The following EFCAB6 variants were observed in gnomAD, a reference collection of about 807,000 sequenced individuals.
EFCAB6 encodes the protein EF-hand calcium-binding domain-containing protein 6.
In EFCAB6, 156 loss-of-function variants were observed where a neutral mutation model predicts 169.8. The observed-to-expected ratio is 0.92, with a 90% confidence interval of 0.81 to 1.05. The LOEUF (loss-of-function observed/expected upper bound fraction) is 1.05. Among genes scored for constraint, EFCAB6 ranks in the 50% least tolerant of loss-of-function variants. EFCAB6 has a pLI of 0.00. For synonymous variants in EFCAB6, 698 were observed against 676.4 expected, an observed-to-expected ratio of 1.03 and a Z score of -0.50; for missense variants, 1,800 against 1,829.1, an observed-to-expected ratio of 0.98 and a Z score of 0.29.
At chr22:43,531,608 C>G (rs1395263201) in intron 30 of EFCAB6, among the ~76,000 whole-genome samples, 3 of 152,170 alleles carry the variant, frequency 2.0e-5, no homozygotes, top group Admixed American at 6.5e-5. Context: ...CGTAACACAT[C>G]TTGGGAAAGT....
chr22:43,644,157 A>C (rs773767778), intron 17 of EFCAB6, among the ~76,000 whole-genome samples: 1 of 151,984 alleles, frequency 6.6e-6, no homozygotes, highest in South Asian at 2.1e-4. Flanking sequence ...TTGGATTTGG[A>C]CCTGCTTTAT....
At chr22:43,717,371 G>C (rs117532943) in intron 8 of EFCAB6, among the ~76,000 whole-genome samples, 5,237 of 147,956 alleles carry the variant, frequency 0.035, 149 homozygotes, top group Middle Eastern at 0.073. Context: ...ATTTTTGTTT[G>C]GTAAAAAAAA....
intron 8 of EFCAB6, among the ~76,000 whole-genome samples, chr22:43,727,366 T>C (rs2059775174): frequency 1.3e-5 from 2 of 152,296 alleles, no homozygotes; most frequent in South Asian, 4.1e-4. Flanking sequence ...GGTTTGAGGC[T>C]GCAGTGAGCT....
intron 24 of EFCAB6, among the ~76,000 whole-genome samples, chr22:43,587,943 T>C (rs534614727): frequency 4.6e-5 from 7 of 152,240 alleles, no homozygotes; most frequent in Non-Finnish European, 1.0e-4. Flanking sequence ...CAGGGATACA[T>C]AGTTGAATTA....
chr22:43,681,248 T>G lies in EFCAB6; in HGVS notation c.1251+2499A>C, dbSNP rs556687337. ...GTTCTGTTCCTCACTCTACTAATGT[T>G]GCATATGACATTGATTTTGGGGGAA... On this transcript the variant is annotated intron_variant, in intron 12 of 31. Coordinates refer to ENST00000262726, the MANE Select transcript of EFCAB6 (RefSeq NM_022785.4). Among the ~76,000 whole-genome samples the G allele has an allele frequency of 4.0e-4, 61 of 152,362 alleles. No individual in the cohort carries two copies. In the South Asian group the frequency reaches 7.0e-3, roughly 18 times the overall value.
chr22:43,567,231 C>G (rs2049504584), intron 26 of EFCAB6, among the ~76,000 whole-genome samples: 1 of 152,108 alleles, frequency 6.6e-6, no homozygotes, highest in South Asian at 2.1e-4. Context: ...ATGCTGAGAC[C>G]TTTGCAAACA....
chr22:43,715,049 G>A (rs565291172), intron 9 of EFCAB6, among the ~76,000 whole-genome samples: 7 of 152,266 alleles, frequency 4.6e-5, no homozygotes, highest in South Asian at 2.1e-4. Flanking sequence ...ACAAGTACCC[G>A]TCACTTCGAG....
At chr22:43,599,509 CAAAAAAAAAAAAAAAAAAAAAAAAAAA>C (rs58130994) in intron 23 of EFCAB6, among the ~76,000 whole-genome samples, 3 of 44,226 alleles carry the variant, frequency 6.8e-5, no homozygotes, top group East Asian at 9.4e-4. Flanking sequence ...GATTCCATCT[CAAAAAAAAAAAAAAAAAAAAAAAAAAA>C]AAAAAAAAAA....
chr22:43,548,051 G>A (rs572811409), intron 27 of EFCAB6, among the ~76,000 whole-genome samples: 1 of 150,086 alleles, frequency 6.7e-6, no homozygotes, highest in South Asian at 2.1e-4. Context: ...AGCCAAGAGG[G>A]CGCCACTGCA....
At chr22:43,667,309 C>T (rs1372469953) in intron 16 of EFCAB6, 37 bp from the exon 17 acceptor site, 3 of 1,603,362 alleles carry the variant, frequency 1.9e-6, no homozygotes, top group Non-Finnish European at 2.6e-6. Context: ...CCAGTGTCAA[C>T]TGACACACGC....
chr22:43,589,956 A>G (rs1159105688), intron 24 of EFCAB6, 118 bp downstream of exon 24: 8 of 1,317,038 alleles, frequency 6.1e-6, no homozygotes, highest in Middle Eastern at 1.9e-4. Flanking sequence ...ACAGGAAGAC[A>G]TGGAGGGTAT....
chr22:43,543,693 CT>C (rs1486606427), intron 27 of EFCAB6, among the ~76,000 whole-genome samples: 1 of 152,156 alleles, frequency 6.6e-6, no homozygotes, highest in Non-Finnish European at 1.5e-5. Context: ...CCTGGAGGGG[CT>C]GGATGGGGCC....
intron 10 of EFCAB6, among the ~76,000 whole-genome samples, chr22:43,699,040 C>A (rs1391121163): frequency 6.6e-6 from 1 of 152,000 alleles, no homozygotes; most frequent in African/African-American, 2.4e-5. Context: ...AGTAACTCCT[C>A]TTTTGAGAAC....
At position 43,626,426 on chromosome 22, in the gene EFCAB6, AG is replaced by A. The variant is rs763981315; in HGVS notation, c.2465+20del. 2 of 1,609,618 alleles carry A rather than the reference AG, an allele frequency of 1.2e-6. No individual in the cohort carries two copies. The highest frequency in any genetic ancestry group is 1.7e-6 in the Non-Finnish European group (2 of 1,176,664). Reference sequence around the variant, plus strand: ...ACGGGCCGGCATATATTAAAGACACAGACCCGTGCTGCCTTCTTACCTAATG... The same window carrying A: ...ACGGGCCGGCATATATTAAAGACACAACCCGTGCTGCCTTCTTACCTAATG... On this transcript the variant is annotated intron_variant, in intron 20 of 31. Transcript: ENST00000262726.
At chr22:43,579,361 TACACATA>T (rs2050520143) in intron 25 of EFCAB6, among the ~76,000 whole-genome samples, 1 of 151,348 alleles carries the variant, frequency 6.6e-6, no homozygotes, top group Admixed American at 6.6e-5. Context: ...TATCATTCCC[TACACATA>T]GGCATCATTC....
intron 6 of EFCAB6, among the ~76,000 whole-genome samples, chr22:43,738,538 C>T (rs146793880): frequency 2.6e-5 from 4 of 152,018 alleles, no homozygotes; most frequent in Non-Finnish European, 4.4e-5. Flanking sequence ...TATTCACACA[C>T]ACCTGTGCAT....
rs563570143 is a variant in EFCAB6, at chr22:43,592,742, C to A, written c.2877-2513G>T. Among the ~76,000 whole-genome samples, 7 of 152,292 alleles carry A rather than the reference C, an allele frequency of 4.6e-5. No homozygotes were observed. In the South Asian group the frequency reaches 1.0e-3, roughly 23 times the overall value. Reference sequence around the variant, plus strand: ...GCCACAGAGCCCCTCACACACACGGCCTCCCCACTCTGGTGCTGCTGAAAA... The same window carrying A: ...GCCACAGAGCCCCTCACACACACGGACTCCCCACTCTGGTGCTGCTGAAAA... On this transcript the variant is annotated intron_variant, in intron 23 of 31. Transcript: ENST00000262726.
At chr22:43,793,183 T>C (rs2062372316) in intron 2 of EFCAB6, among the ~76,000 whole-genome samples, 1 of 151,858 alleles carries the variant, frequency 6.6e-6, no homozygotes, top group Non-Finnish European at 1.5e-5. Context: ...GAAGACAGCA[T>C]GAAAAAAAAA....
intron 17 of EFCAB6, among the ~76,000 whole-genome samples, chr22:43,659,162 T>A (rs1463208313): frequency 1.3e-5 from 2 of 152,186 alleles, no homozygotes; most frequent in Admixed American, 6.5e-5. Context: ...GTCTCTGGCG[T>A]TGTGTGGGTG....
Sources: gnomAD v4.1 joint callset for allele counts (sites outside exome capture counted in the v4.1 genomes callset) on GRCh38, gnomAD v4.1.1 for gene constraint, MANE v1.5 for transcripts, NCBI Gene and HGNC (gene_info 2026-07-23, HGNC 2026-07-21) for gene names.